Variants in MYO1D observed in about 807,000 individuals in gnomAD.
MYO1D encodes unconventional myosin-Id.
MYO1D carries 83 observed loss-of-function variants against 122.0 expected under a neutral mutation model. The observed-to-expected ratio is 0.68, with a 90% CI of 0.57 to 0.82. The LOEUF is 0.82. Ranked by LOEUF, MYO1D falls within the 40% of genes least tolerant of loss-of-function variation. MYO1D has a pLI of 0.00. For synonymous variants in MYO1D, 464 were observed against 446.9 expected, an observed-to-expected ratio of 1.04 and a Z score of -0.48; for missense variants, 1,157 against 1,269.5, an observed-to-expected ratio of 0.91 and a Z score of 1.35.
intron 21 of MYO1D, among the ~76,000 whole-genome samples, chr17:32,572,428 A>C (rs539536291): frequency 6.6e-6 from 1 of 152,110 alleles, no homozygotes; most frequent in Non-Finnish European, 1.5e-5. Context: ...TTTCGCCCAC[A>C]TAAGTCCTGT....
chr17:32,542,656 T>A (rs1910873304), intron 21 of MYO1D, among the ~76,000 whole-genome samples: 1 of 149,630 alleles, frequency 6.7e-6, no homozygotes, highest in African/African-American at 2.5e-5. Flanking sequence ...CAAGAAGGAA[T>A]GACTAGTTGC....
intron 21 of MYO1D, among the ~76,000 whole-genome samples, chr17:32,546,940 GC>G (rs1323977301): frequency 2.1e-5 from 3 of 144,398 alleles, no homozygotes; most frequent in Non-Finnish European, 3.0e-5. Context: ...ACAGGGTCTT[GC>G]TTTGTCACCA....
intron 21 of MYO1D, among the ~76,000 whole-genome samples, chr17:32,541,977 C>T (rs968729652): frequency 2.0e-5 from 3 of 152,130 alleles, no homozygotes; most frequent in Non-Finnish European, 2.9e-5. Context: ...CTTCCTCCTC[C>T]GTGTTTCCTC....
intron 15 of MYO1D, 137 bp downstream of exon 15, chr17:32,720,886 A>T: frequency 7.6e-6 from 7 of 919,800 alleles, no homozygotes; most frequent in Non-Finnish European, 1.1e-5. Context: ...AAAGTCTTTC[A>T]TATTTGTAAT....
chr17:32,610,841 ATT>A (rs1305228895), intron 20 of MYO1D, among the ~76,000 whole-genome samples: 4 of 152,326 alleles, frequency 2.6e-5, no homozygotes, highest in Non-Finnish European at 5.9e-5. Flanking sequence ...ACCTCATTGC[ATT>A]TGGGCAGCCA....
intron 15 of MYO1D, among the ~76,000 whole-genome samples, chr17:32,714,347 T>C (rs1241421554): frequency 2.0e-5 from 3 of 152,158 alleles, no homozygotes; most frequent in Non-Finnish European, 2.9e-5. Context: ...TCTGTTAGTC[T>C]GCTGAGGATA....
intron 16 of MYO1D, among the ~76,000 whole-genome samples, chr17:32,695,294 G>C (rs985551862): frequency 1.3e-5 from 2 of 152,212 alleles, no homozygotes; most frequent in Non-Finnish European, 2.9e-5. Flanking sequence ...AATCCAATGA[G>C]CCACTGATCT....
chr17:32,857,778 T>C (rs1819359806), intron 1 of MYO1D, among the ~76,000 whole-genome samples: 1 of 152,150 alleles, frequency 6.6e-6, no homozygotes, highest in Admixed American at 6.5e-5. Flanking sequence ...AAGGCCTTCC[T>C]TAACCACCAA....
intron 21 of MYO1D, among the ~76,000 whole-genome samples, chr17:32,554,559 A>G (rs901765768): frequency 3.3e-5 from 5 of 152,236 alleles, no homozygotes; most frequent in African/African-American, 1.2e-4. Flanking sequence ...AGTGGGGAAA[A>G]GCATTCATGT....
chr17:32,624,704 G>T (rs1475779767), intron 20 of MYO1D, among the ~76,000 whole-genome samples: 4 of 151,618 alleles, frequency 2.6e-5, no homozygotes, highest in African/African-American at 9.7e-5. Context: ...AGTATAACGT[G>T]GCAGCTCTCT....
At chr17:32,688,730 GT>G (rs2089054828) in intron 16 of MYO1D, among the ~76,000 whole-genome samples, 2 of 152,174 alleles carry the variant, frequency 1.3e-5, no homozygotes, top group Admixed American at 1.3e-4. Flanking sequence ...TGATTGAAGG[GT>G]TTTTGAACGG....
intron 21 of MYO1D, among the ~76,000 whole-genome samples, chr17:32,563,204 C>CTTTTTTTTTTTTTTTT (rs749819200): frequency 2.8e-4 from 29 of 105,130 alleles, no homozygotes; most frequent in African/African-American, 3.3e-4. Flanking sequence ...TTTTTCTTCT[C>CTTTTTTTTTTTTTTTT]TCTTTTTTTT....
intron 21 of MYO1D, among the ~76,000 whole-genome samples, chr17:32,522,964 C>G (rs1273796764): frequency 6.6e-6 from 1 of 152,148 alleles, no homozygotes; most frequent in Non-Finnish European, 1.5e-5. Context: ...CTACAGGTGC[C>G]TGCCACCATG....
chr17:32,691,186 G>A (rs9906879), intron 16 of MYO1D, among the ~76,000 whole-genome samples: 5,238 of 150,650 alleles, frequency 0.035, 305 homozygotes, highest in African/African-American at 0.12. Context: ...GAGCCCAGGA[G>A]TTCAAGGCTG....
intron 1 of MYO1D, among the ~76,000 whole-genome samples, chr17:32,785,369 T>G (rs2090282695): frequency 6.6e-6 from 1 of 152,234 alleles, no homozygotes; most frequent in Non-Finnish European, 1.5e-5. Context: ...TTCGTAAGTA[T>G]TATTCATTTA....
chr17:32,776,315 A>T (rs2090171789), intron 3 of MYO1D, among the ~76,000 whole-genome samples: 1 of 152,202 alleles, frequency 6.6e-6, no homozygotes, highest in Non-Finnish European at 1.5e-5. Context: ...ATATAAAATC[A>T]AGTTGTCAAA....
chr17:32,787,013 T>C (rs2090302949), intron 1 of MYO1D, among the ~76,000 whole-genome samples: 3 of 150,236 alleles, frequency 2.0e-5, no homozygotes, highest in African/African-American at 7.4e-5. Flanking sequence ...AAGCAAAGAA[T>C]ACAAAAAAAA....
In MYO1D at chr17:32,561,996, C is replaced by T. The variant is rs1024605008; in HGVS notation, c.2864+43091G>A. Among the ~76,000 whole-genome samples, 4 of 148,308 alleles carry T rather than the reference C, an allele frequency of 2.7e-5. No individual in the cohort carries two copies. In the East Asian group the frequency reaches 7.9e-4, roughly 29 times the overall value. On this transcript the variant is annotated intron_variant, in intron 21 of 21. Transcript: ENST00000318217. ...CATTTTGGCATATTTTCTTCTCTCTCTTTTTTTTTTGGAGACAGGGGTCTT... is the reference window on the plus strand; with the variant it reads ...CATTTTGGCATATTTTCTTCTCTCTTTTTTTTTTTTGGAGACAGGGGTCTT...
At chr17:32,560,932 TGA>T (rs1157637717) in intron 21 of MYO1D, among the ~76,000 whole-genome samples, 91 of 146,502 alleles carry the variant, frequency 6.2e-4, no homozygotes, top group African/African-American at 2.1e-3. Context: ...TTTTTTTTTT[TGA>T]GAGTCTTGCT....
Sources: gnomAD v4.1 joint callset for allele counts (sites outside exome capture counted in the v4.1 genomes callset) on GRCh38, gnomAD v4.1.1 for gene constraint, MANE v1.5 for transcripts, NCBI Gene and HGNC (gene_info 2026-07-23, HGNC 2026-07-21) for gene names.